Variants in CPQ observed in about 807,000 individuals in gnomAD.
The protein encoded by CPQ is carboxypeptidase Q, also known as Ser-Met dipeptidase.
Under a neutral mutation model 45.7 loss-of-function variants are expected in CPQ, and 37 were observed. The ratio of observed to expected loss-of-function variants is 0.81; its 90% CI spans 0.62 to 1.07. The LOEUF (loss-of-function observed/expected upper bound fraction) is 1.07, where lower values mean the gene tolerates loss of function less well. CPQ is among the 50% of genes least tolerant of loss of function. CPQ has a pLI of 0.00. For missense variants in CPQ, 537 were observed against 572.9 expected, an observed-to-expected ratio of 0.94 and a Z score of 0.64; for synonymous variants, 186 against 205.8, an observed-to-expected ratio of 0.90 and a Z score of 0.82.
At chr8:96,671,631 G>A (rs1389910352) in intron 1 of CPQ, among the ~76,000 whole-genome samples, 1 of 152,088 alleles carries the variant, frequency 6.6e-6, no homozygotes, top group Non-Finnish European at 1.5e-5. Flanking sequence ...AAATTTGAAA[G>A]AATATTCTTC....
Position 96,844,526 on chromosome 8 carries a change from G to T in CPQ, c.641+9346G>T, listed in dbSNP as rs117412519. ...TACATTAAACAACCAGTGTGAGCCT[G>T]TTTTCTCATCTGTAACATGTGGAGA... On this transcript the variant is annotated intron_variant, in intron 3 of 7. Coordinates refer to ENST00000220763, the MANE Select transcript of CPQ (RefSeq NM_016134.4). Among the ~76,000 whole-genome samples, 327 of 152,326 alleles carry T rather than the reference G, an allele frequency of 2.1e-3. 1 individual carries two copies. Among genetic ancestry groups the T allele is most frequent in the Non-Finnish European group, 3.9e-3 (268 of 68,016 alleles).
At chr8:96,830,435 T>C (rs1688928339) in intron 2 of CPQ, among the ~76,000 whole-genome samples, 1 of 152,076 alleles carries the variant, frequency 6.6e-6, no homozygotes, top group African/African-American at 2.4e-5. Flanking sequence ...GCAGCTGTTG[T>C]CTGTGCTAGG....
chr8:96,773,083 A>G (rs999776697), intron 1 of CPQ, among the ~76,000 whole-genome samples: 1 of 152,198 alleles, frequency 6.6e-6, no homozygotes, highest in Non-Finnish European at 1.5e-5. Flanking sequence ...ATAAAAGAAA[A>G]TTCTGGATAG....
intron 3 of CPQ, among the ~76,000 whole-genome samples, chr8:96,877,430 T>A (rs1812160994): frequency 2.0e-5 from 3 of 152,150 alleles, no homozygotes; most frequent in Non-Finnish European, 4.4e-5. Flanking sequence ...TGTTAAGAAG[T>A]GTTATACTGA....
At chr8:97,031,344 G>A (rs921139668) in intron 6 of CPQ, among the ~76,000 whole-genome samples, 2 of 151,802 alleles carry the variant, frequency 1.3e-5, no homozygotes, top group African/African-American at 2.4e-5. Context: ...GTGCCACCAC[G>A]CCCAGCTAAT....
At chr8:96,770,171 A>G (rs1586393508) in intron 1 of CPQ, among the ~76,000 whole-genome samples, 1 of 152,114 alleles carries the variant, frequency 6.6e-6, no homozygotes, top group Non-Finnish European at 1.5e-5. Context: ...AAATGGCCAT[A>G]TGATGTCTGA....
At chr8:96,690,483 T>C (rs1246990893) in intron 1 of CPQ, among the ~76,000 whole-genome samples, 4 of 152,336 alleles carry the variant, frequency 2.6e-5, no homozygotes, top group African/African-American at 9.6e-5. Flanking sequence ...TCAGTCTCAG[T>C]TACTTGCTTT....
intron 2 of CPQ, among the ~76,000 whole-genome samples, chr8:96,802,838 G>A (rs1237020120): frequency 6.6e-6 from 1 of 152,158 alleles, no homozygotes; most frequent in Non-Finnish European, 1.5e-5. Context: ...ACCCTTGTTA[G>A]TTGGCACTGA....
At chr8:96,852,189 G>T (rs1388042892) in intron 3 of CPQ, among the ~76,000 whole-genome samples, 1 of 152,154 alleles carries the variant, frequency 6.6e-6, no homozygotes, top group East Asian at 1.9e-4. Flanking sequence ...TCCTCCACTT[G>T]CCCTTGCCTG....
At chr8:96,760,093 T>C (rs549260184) in intron 1 of CPQ, among the ~76,000 whole-genome samples, 36 of 152,294 alleles carry the variant, frequency 2.4e-4, no homozygotes, top group Non-Finnish European at 4.4e-4. Flanking sequence ...TGGACTGAGC[T>C]ATGAAGATAT....
At chr8:96,987,092 G>A (rs1808998984) in intron 5 of CPQ, among the ~76,000 whole-genome samples, 1 of 152,060 alleles carries the variant, frequency 6.6e-6, no homozygotes, top group African/African-American at 2.4e-5. Context: ...GCTGCCTACT[G>A]CTTGTATTAA....
intron 3 of CPQ, among the ~76,000 whole-genome samples, chr8:96,864,356 G>A (rs1291138316): frequency 6.6e-6 from 1 of 152,000 alleles, no homozygotes; most frequent in Non-Finnish European, 1.5e-5. Context: ...GTAAGTTCTT[G>A]GAGACTTTAT....
Position 96,784,887 on chromosome 8 carries a change from T to A in CPQ, c.-11T>A. The A allele has an allele frequency of 6.3e-7, 1 of 1,587,052 alleles. No individual in the cohort carries two copies. The highest frequency in any genetic ancestry group is 2.2e-5 in the East Asian group (1 of 44,574). ...AGATTATCTTAACAAGAAAACCAAC[T>A]GGAAAAAAAAATGAAATTCCTTATC... On this transcript the variant is annotated 5_prime_UTR_variant, in exon 2 of 8. Coordinates refer to ENST00000220763, the MANE Select transcript of CPQ (RefSeq NM_016134.4).
chr8:97,107,278 CA>C (rs1187224930), intron 7 of CPQ, among the ~76,000 whole-genome samples: 1 of 152,218 alleles, frequency 6.6e-6, no homozygotes, highest in Non-Finnish European at 1.5e-5. Context: ...TCTGGAAAAG[CA>C]GATTCCAATT....
intron 6 of CPQ, among the ~76,000 whole-genome samples, chr8:97,032,548 A>G (rs1409901124): frequency 6.6e-6 from 1 of 152,184 alleles, no homozygotes; most frequent in East Asian, 1.9e-4. Context: ...TATATTCTCT[A>G]TCTTTGGCAG....
At chr8:96,874,597 G>A (rs1225809796) in intron 3 of CPQ, among the ~76,000 whole-genome samples, 2 of 151,010 alleles carry the variant, frequency 1.3e-5, no homozygotes, top group Non-Finnish European at 3.0e-5. Context: ...TGCAATATAT[G>A]GTCTTTTTTG....
intron 4 of CPQ, among the ~76,000 whole-genome samples, chr8:96,886,048 A>G (rs1812303078): frequency 6.6e-6 from 1 of 152,144 alleles, no homozygotes; most frequent in African/African-American, 2.4e-5. Flanking sequence ...GAATAGGGGT[A>G]ATATATACCT....
intron 7 of CPQ, among the ~76,000 whole-genome samples, chr8:97,099,849 A>G (rs1811273613): frequency 6.6e-6 from 1 of 152,178 alleles, no homozygotes; most frequent in Non-Finnish European, 1.5e-5. Context: ...AGAATTCCTA[A>G]TGTACTTTCC....
At chr8:96,873,000 A>G (rs1346916769) in intron 3 of CPQ, among the ~76,000 whole-genome samples, 2 of 151,828 alleles carry the variant, frequency 1.3e-5, no homozygotes, top group African/African-American at 4.8e-5. Context: ...TAAATACCAA[A>G]CAGTTTTATT....
Sources: allele counts gnomAD v4.1 joint callset (sites outside exome capture counted in the v4.1 genomes callset), GRCh38; gene constraint gnomAD v4.1.1; transcripts MANE v1.5; gene names NCBI Gene and HGNC (gene_info 2026-07-23, HGNC 2026-07-21).